The following PRAMEF1 variants were observed in gnomAD, a reference collection of about 807,000 sequenced individuals.
PRAMEF1 encodes the protein PRAME family member 1.
In PRAMEF1, 21 loss-of-function variants were observed where a neutral mutation model predicts 38.2. That is an observed-to-expected ratio of 0.55 (90% CI 0.39 to 0.79). PRAMEF1 has a LOEUF of 0.79. Among genes scored for constraint, PRAMEF1 ranks in the 30% least tolerant of loss-of-function variants. The pLI is 0.00. For synonymous variants in PRAMEF1, 200 were observed against 229.0 expected, an observed-to-expected ratio of 0.87 and a Z score of 1.14; for missense variants, 497 against 565.8, an observed-to-expected ratio of 0.88 and a Z score of 1.23.
rs754080531 is a variant in PRAMEF1 at position 12,795,671 on chromosome 1, G to A, written c.1100G>A (p.Ser367Asn). Residue 367 changes from serine (S) to asparagine (N), a missense_variant, in exon 4 of 4, where the codon AGT becomes AAT. Coordinates refer to ENST00000332296, the MANE Select transcript of PRAMEF1 (RefSeq NM_023013.4). ...EGCQIHYSQLSAILPGLSRCS... is the reference protein window; with the variant it reads ...EGCQIHYSQLNAILPGLSRCS... ...TGTCAGATCCACTACTCCCAACTCA[G>A]TGCCATCCTGCCTGGCCTGAGCCGC... The A allele has an allele frequency of 4.3e-6, 7 of 1,611,258 alleles. No homozygotes were observed. Among genetic ancestry groups the A allele is most frequent in the Non-Finnish European group, 4.2e-6 (5 of 1,179,542 alleles).
intron 1 of PRAMEF1, among the ~76,000 whole-genome samples, chr1:12,792,767 C>T (rs1025315211): frequency 6.6e-6 from 1 of 150,994 alleles, no homozygotes; most frequent in African/African-American, 2.4e-5. Flanking sequence ...AGTGATCTGC[C>T]TCCTTGGTGT....
rs535441244 is a variant in PRAMEF1, at chr1:12,796,577, G to C, written c.*581G>C. 1 of 154,652 alleles carries C rather than the reference G, an allele frequency of 6.5e-6. No individual in the cohort carries two copies. The highest frequency in any genetic ancestry group is 2.0e-4 in the South Asian group (1 of 4,968). 9.6% of individuals were successfully genotyped at this position (154,652 alleles called of 1,614,324 possible). ...ACGAAATACTAATTTGTCTGTGATT[G>C]AGTTTCAGTTGTAGAACATCAAAGC... is the stretch of plus-strand genomic sequence containing the variant. On this transcript the variant is annotated 3_prime_UTR_variant, in exon 4 of 4. Transcript: ENST00000332296.
rs747781478 is a variant in PRAMEF1 at position 12,793,241 on chromosome 1, C to G, written c.14C>G (p.Ala5Gly). 4 of 1,606,588 alleles carry G rather than the reference C, an allele frequency of 2.5e-6. No homozygotes were observed. Among genetic ancestry groups the G allele is most frequent in the Admixed American group, 1.7e-5 (1 of 59,398 alleles). The change falls in exon 2 of 4, where the codon GCC becomes GGC. Residue 5 changes from alanine (A) to glycine (G), a missense_variant. This residue lies in a region of PRAMEF1 where 470 missense variants were observed against 501.9 expected (regional missense o/e 0.94). Coordinates refer to ENST00000332296, the MANE Select transcript of PRAMEF1 (RefSeq NM_023013.4). MSIQAPPRLLELAGQ... is the reference protein window; with the variant it reads MSIQGPPRLLELAGQ... ...AGATCTATCAGGATGAGCATCCAGGCCCCACCCAGACTACTGGAGCTGGCA... is the reference window on the plus strand; with the variant it reads ...AGATCTATCAGGATGAGCATCCAGGGCCCACCCAGACTACTGGAGCTGGCA...
intron 1 of PRAMEF1, among the ~76,000 whole-genome samples, chr1:12,792,063 C>T (rs1639303588): frequency 1.3e-5 from 2 of 150,922 alleles, no homozygotes; most frequent in South Asian, 2.1e-4. Context: ...CCTATTGTTG[C>T]CCAGGCTGCA....
chr1:12,793,609 G>A, intron 2 of PRAMEF1, 95 bp downstream of exon 2: 1 of 1,548,534 alleles, frequency 6.5e-7, no homozygotes, highest in South Asian at 1.2e-5. Context: ...GTGGCCCAGA[G>A]TCTTCTGATG....
At chr1:12,794,514 T>C in intron 3 of PRAMEF1, 21 bp downstream of exon 3, 1 of 1,609,396 alleles carries the variant, frequency 6.2e-7, no homozygotes, top group Non-Finnish European at 8.5e-7. Context: ...ATCATGCACT[T>C]TGTATGCAGA....
chr1:12,793,443 G>A lies in PRAMEF1; in HGVS notation c.216G>A (p.Thr72=), dbSNP rs375407386. The change falls in exon 2 of 4, where the codon ACG becomes ACA. Residue 72 remains threonine (T), a synonymous_variant. Transcript: ENST00000332296. The part of the protein sequence containing the change: ...TCLPLGSLMK[T]LHLETLKALL... Reference sequence around the variant, plus strand: ...TCCCTCTGGGATCACTGATGAAGACGCTTCATTTGGAGACCTTAAAAGCAT... The same window carrying A: ...TCCCTCTGGGATCACTGATGAAGACACTTCATTTGGAGACCTTAAAAGCAT... The A allele has an allele frequency of 8.1e-6, 13 of 1,609,764 alleles. 1 individual carries two copies. The highest frequency in any genetic ancestry group is 1.3e-5 in the African/African-American group (1 of 74,788).
chr1:12,792,923 G>A (rs1639318645), intron 1 of PRAMEF1, among the ~76,000 whole-genome samples: 1 of 150,992 alleles, frequency 6.6e-6, no homozygotes, highest in Non-Finnish European at 1.5e-5. Context: ...TGAGAATGGA[G>A]GCTGTCTGGG....
chr1:12,795,503 A>G lies in PRAMEF1; in HGVS notation c.932A>G (p.Lys311Arg), dbSNP rs765901114. The change falls in exon 4 of 4, where the codon AAG (lysine) becomes AGG (arginine). Residue 311 changes from lysine (K) to arginine (R), a missense_variant. Physicochemically the swap from Lys to Arg is conservative, Grantham distance 26. This residue lies in a region of PRAMEF1 where 470 missense variants were observed against 501.9 expected (regional missense o/e 0.94). Coordinates refer to ENST00000332296, the MANE Select transcript of PRAMEF1 (RefSeq NM_023013.4). ...GGCTACCTATTGGAAGAAGACATGA[A>G]GTGTCTCTCCCAGTACCCAAGCCTC... ...TYGYLLEEDM[K>R]CLSQYPSLGY... 3.7e-6 allele frequency: 6 copies of G among 1,612,252 alleles called. 1 individual carries two copies. The Admixed American group carries it at 1.0e-4, about 27-fold the overall frequency.
Position 12,794,039 on chromosome 1 carries a change from T to A in PRAMEF1, c.412T>A (p.Cys138Ser). Residue 138 changes from cysteine to serine, a missense_variant, in exon 3 of 4, where the codon TGT becomes AGT. Physicochemically the swap from Cys to Ser is moderately radical, Grantham distance 112. Coordinates refer to ENST00000332296, the MANE Select transcript of PRAMEF1 (RefSeq NM_023013.4). ...GAGTAAGAGGCAGACAGCAGAGGAC[T>A]GTCCAAGGATGGGAGAGCACCAGCC... ...TTSKRQTAED[C>S]PRMGEHQPLK... The A allele has an allele frequency of 6.2e-7, 1 of 1,608,920 alleles. No homozygotes were observed. Among genetic ancestry groups the A allele is most frequent in the South Asian group, 1.1e-5 (1 of 90,548 alleles).
At position 12,795,514 on chromosome 1, in the gene PRAMEF1, C is replaced by G. The variant is rs757614173; in HGVS notation, c.943C>G (p.Gln315Glu). The change falls in exon 4 of 4, where the codon CAG becomes GAG. Residue 315 changes from glutamine (Q) to glutamate (E), a missense_variant. By Grantham distance (29) the Gln-to-Glu change is conservative. Around this residue, in one of 2 missense-constraint regions of PRAMEF1, gnomAD observed 470 missense variants for 501.9 expected, o/e 0.94. Transcript: ENST00000332296. ...GGAAGAAGACATGAAGTGTCTCTCC[C>G]AGTACCCAAGCCTCGGTTACCTAAA... ...LLEEDMKCLS[Q>E]YPSLGYLKHL... 1 of 1,612,374 alleles carries G rather than the reference C, an allele frequency of 6.2e-7. No individual in the cohort carries two copies. Among genetic ancestry groups the G allele is most frequent in the East Asian group, 2.2e-5 (1 of 44,836 alleles).
intron 3 of PRAMEF1, chr1:12,794,830 G>A (rs576258716): frequency 7.5e-7 from 1 of 1,328,790 alleles, no homozygotes; most frequent in African/African-American, 1.5e-5. Context: ...AGAGATAATA[G>A]AGGAGGGTAT....
In PRAMEF1 at chr1:12,794,807, G is replaced by C. The variant is rs890332865; in HGVS notation, c.866+314G>C. On this transcript the variant is annotated intron_variant, in intron 3 of 3. Transcript: ENST00000332296. ...CCTGTTACAAAGTGTGTTTCAAGTT[G>C]ATATGATGTCAAAGAGATAATAGAG... 75 of 1,308,944 alleles carry C rather than the reference G, an allele frequency of 5.7e-5. 2 individuals carry two copies. Among genetic ancestry groups the C allele is most frequent in the Middle Eastern group, 3.0e-4 (1 of 3,290 alleles). The allele number at this position is 1,308,944 out of a possible 1,614,324, so 81.1% of individuals were successfully genotyped here. A position where few individuals can be genotyped will look rare whatever the true frequency, so the allele number is the denominator to read the frequency against.
rs368719800 is a variant in PRAMEF1, at chr1:12,793,893, C to T, written c.288-22C>T. 5.4e-4 allele frequency: 867 copies of T among 1,606,530 alleles called. 23 individuals are homozygous for T. Among genetic ancestry groups the T allele is most frequent in the Non-Finnish European group, 5.5e-4 (643 of 1,176,980 alleles). On this transcript the variant is annotated intron_variant, in intron 2 of 3. Coordinates refer to ENST00000332296, the MANE Select transcript of PRAMEF1 (RefSeq NM_023013.4). ...GGATGAGTCCTTCTAAATTCTGAGT[C>T]TCTCCCTTACTTTACCCACAGGAGG...
At position 12,795,610 on chromosome 1, in the gene PRAMEF1, A is replaced by G. The variant is rs137973987; in HGVS notation, c.1039A>G (p.Ile347Val). 7.5e-3 allele frequency: 11,625 copies of G among 1,542,660 alleles called. 575 individuals are homozygous for G. The highest frequency in any genetic ancestry group is 0.024 in the East Asian group (992 of 41,036). The part of the protein sequence containing the change: ...LEPLGALLEK[I>V]AASLKTLILE... ...ACCCCTCGGAGCTCTGCTGGAGAAA[A>G]TTGCTGCCTCTCTCAAAACCCTCAT... Residue 347 changes from isoleucine to valine, a missense_variant, in exon 4 of 4, where the codon ATT (isoleucine) becomes GTT (valine). This residue lies in a region of PRAMEF1 where 470 missense variants were observed against 501.9 expected (regional missense o/e 0.94). Transcript: ENST00000332296.
rs937509673 is a variant in PRAMEF1, at chr1:12,793,390, A to C, written c.163A>C (p.Met55Leu). 6.2e-7 allele frequency: 1 copy of C among 1,609,980 alleles called. No individual in the cohort carries two copies. The highest frequency in any genetic ancestry group is 8.5e-7 in the Non-Finnish European group (1 of 1,177,930). The change falls in exon 2 of 4, where the codon ATG (methionine) becomes CTG (leucine). Residue 55 changes from methionine to leucine, a missense_variant. Physicochemically the swap from Met to Leu is conservative, Grantham distance 15 (BLOSUM62 2). Coordinates refer to ENST00000332296, the MANE Select transcript of PRAMEF1 (RefSeq NM_023013.4). ...SRRHFQTLTVMVQAWPFTCLP... is the reference protein window; with the variant it reads ...SRRHFQTLTVLVQAWPFTCLP... ...GAGACACTTCCAGACTCTGACGGTGATGGTTCAGGCCTGGCCCTTCACCTG... is the reference window on the plus strand; with the variant it reads ...GAGACACTTCCAGACTCTGACGGTGCTGGTTCAGGCCTGGCCCTTCACCTG...
At position 12,795,835 on chromosome 1, in the gene PRAMEF1, T is replaced by C; in HGVS notation, c.1264T>C (p.Leu422=). ...TGCCCCTGAGGAGAGTTTGAATTCCTTGGTTCGTGTCAATTGGGAGATCTT... is the reference window on the plus strand; with the variant it reads ...TGCCCCTGAGGAGAGTTTGAATTCCCTGGTTCGTGTCAATTGGGAGATCTT... The part of the protein sequence containing the change: ...YPAPEESLNS[L]VRVNWEIFTP... Residue 422 remains leucine (L), a synonymous_variant, in exon 4 of 4, where the codon TTG becomes CTG. Coordinates refer to ENST00000332296, the MANE Select transcript of PRAMEF1 (RefSeq NM_023013.4). The C allele has an allele frequency of 1.2e-6, 2 of 1,610,620 alleles. No individual in the cohort carries two copies. Among genetic ancestry groups the C allele is most frequent in the Non-Finnish European group, 1.7e-6 (2 of 1,179,468 alleles).
Position 12,795,483 on chromosome 1 carries a change from C to T in PRAMEF1, c.912C>T (p.Tyr304=). Residue 304 remains tyrosine (Y), a synonymous_variant, in exon 4 of 4, where the codon TAC becomes TAT. Coordinates refer to ENST00000332296, the MANE Select transcript of PRAMEF1 (RefSeq NM_023013.4). The stretch of plus-strand genomic sequence containing the variant: ...AGAACTTGGAATTAACTTATGGCTA[C>T]CTATTGGAAGAAGACATGAAGTGTC... ...PLENLELTYG[Y]LLEEDMKCLS... is the part of the protein sequence containing the mutation. 1.2e-6 allele frequency: 2 copies of T among 1,612,388 alleles called. No homozygotes were observed. Among genetic ancestry groups the T allele is most frequent in the Non-Finnish European group, 1.7e-6 (2 of 1,179,122 alleles).
At position 12,794,559 on chromosome 1, in the gene PRAMEF1, T is replaced by C; in HGVS notation, c.866+66T>C. The stretch of plus-strand genomic sequence containing the variant: ...AGCCTTGTTCTGTAACAGCAAACAT[T>C]AGAATGCATGTACTGTGTGCCAGCC... On this transcript the variant is annotated intron_variant, in intron 3 of 3. Transcript: ENST00000332296. 18 of 1,580,182 alleles carry C rather than the reference T, an allele frequency of 1.1e-5. 1 individual carries two copies. The highest frequency in any genetic ancestry group is 2.0e-4 in the Middle Eastern group (1 of 4,920).
Sources: gnomAD v4.1 joint callset for allele counts (sites outside exome capture counted in the v4.1 genomes callset) on GRCh38, gnomAD v4.1.1 for gene constraint, gnomAD v4.1.1 regional missense constraint, MANE v1.5 for transcripts, NCBI Gene and HGNC (gene_info 2026-07-23, HGNC 2026-07-21) for gene names.